The following RIDA variants were observed in gnomAD, a reference collection of about 807,000 sequenced individuals.
RIDA encodes reactive intermediate imine deaminase A.
RIDA carries 17 observed loss-of-function variants against 17.8 expected under a neutral mutation model. That is an observed-to-expected ratio of 0.96 (90% CI 0.65 to 1.43). The LOEUF is 1.43. Among genes scored for constraint, RIDA ranks in the 40% most tolerant of loss-of-function variants. The pLI is 0.00. For missense variants in RIDA, 158 were observed against 161.7 expected (o/e 0.98, Z 0.12); for synonymous variants, 48 against 55.7 (o/e 0.86, Z 0.62).
rs1240121826 is a variant in RIDA, at chr8:98,117,162, T to C, written c.-66A>G. The stretch of plus-strand genomic sequence containing the variant: ...CCCCAGCACCAGCCCTGCTGGCTTC[T>C]TACTGGACTGACCAACCACAGCAGC... On this transcript the variant is annotated 5_prime_UTR_variant, in exon 1 of 6. Coordinates refer to ENST00000254878, the MANE Select transcript of RIDA (RefSeq NM_005836.3). 1 of 1,479,514 alleles carries C rather than the reference T, an allele frequency of 6.8e-7. No homozygotes were observed. Among genetic ancestry groups the C allele is most frequent in the Non-Finnish European group, 9.5e-7 (1 of 1,057,412 alleles). The allele number at this position is 1,479,514 out of a possible 1,614,324, so 91.6% of individuals were successfully genotyped here.
At position 98,106,320 on chromosome 8, in the gene RIDA, T is replaced by C. The variant is rs1815632056; in HGVS notation, c.178A>G (p.Lys60Glu). 1 of 1,613,666 alleles carries C rather than the reference T, an allele frequency of 6.2e-7. No individual in the cohort carries two copies. Among genetic ancestry groups the C allele is most frequent in the African/African-American group, 1.3e-5 (1 of 74,914 alleles). The part of the protein sequence containing the change: ...GVAEEAKQAL[K>E]NMGEILKAAG... ...GCTTTCAGAATTTCACCCATGTTTT[T>C]AAGAGCCTGTGAACCAAGCCAAGAA... Residue 60 changes from lysine to glutamate, a missense_variant, in exon 3 of 6, where the codon AAA (lysine) becomes GAA (glutamate). Physicochemically the swap from Lys to Glu is moderately conservative, Grantham distance 56 (BLOSUM62 1). Transcript: ENST00000254878.
intron 1 of RIDA, among the ~76,000 whole-genome samples, chr8:98,113,166 T>C (rs1815752488): frequency 6.6e-6 from 1 of 152,232 alleles, no homozygotes; most frequent in Admixed American, 6.5e-5. Context: ...GAGGACGGTG[T>C]GCAAAATGCG....
chr8:98,108,567 C>CA, intron 2 of RIDA, 79 bp downstream of exon 2: 1 of 824,768 alleles, frequency 1.2e-6, no homozygotes. Context: ...TAAAACAAAT[C>CA]AGGCAAGTGG....
chr8:98,114,602 G>A (rs899049195), intron 1 of RIDA, among the ~76,000 whole-genome samples: 3 of 151,622 alleles, frequency 2.0e-5, no homozygotes, highest in Admixed American at 2.0e-4. Context: ...CCAAAGTGCT[G>A]GGATTACAGG....
intron 1 of RIDA, among the ~76,000 whole-genome samples, chr8:98,113,425 T>C (rs758052321): frequency 6.6e-6 from 1 of 152,220 alleles, no homozygotes; most frequent in Non-Finnish European, 1.5e-5. Context: ...TTAACATAAG[T>C]AGTTAGTTGC....
At position 98,112,195 on chromosome 8, in the gene RIDA, AAC is replaced by A. The variant is rs56178607; in HGVS notation, c.66-3446_66-3445del. ...TGTTATCATAAATAAAACTATACTA[AAC>A]ACACACACACACACACACACACACA... On this transcript the variant is annotated intron_variant, in intron 1 of 5. Transcript: ENST00000254878. Among the ~76,000 whole-genome samples, 1,083 of 147,994 alleles carry A rather than the reference AAC, an allele frequency of 7.3e-3. 11 individuals are homozygous for A. The highest frequency in any genetic ancestry group is 0.027 in the Middle Eastern group (8 of 294).
chr8:98,104,996 C>CCA (rs1815612710), intron 4 of RIDA, among the ~76,000 whole-genome samples: 1 of 151,972 alleles, frequency 6.6e-6, no homozygotes, highest in African/African-American at 2.4e-5. Flanking sequence ...TAGGTGTGAG[C>CCA]CACTGCTCCT....
chr8:98,108,454 T>A (rs1311981825), intron 2 of RIDA, among the ~76,000 whole-genome samples, 192 bp downstream of exon 2: 1 of 152,078 alleles, frequency 6.6e-6, no homozygotes, highest in Non-Finnish European at 1.5e-5. Flanking sequence ...TCTCTTTTGG[T>A]TGTTAGATGA....
intron 4 of RIDA, among the ~76,000 whole-genome samples, chr8:98,104,960 C>G (rs1411355968): frequency 1.3e-5 from 2 of 152,044 alleles, no homozygotes; most frequent in African/African-American, 2.4e-5. Flanking sequence ...ATCCACCCAC[C>G]TCAGCCTCTC....
intron 1 of RIDA, chr8:98,113,784 C>G (rs548617331): frequency 6.6e-6 from 1 of 152,094 alleles, no homozygotes; most frequent in East Asian, 1.9e-4. Flanking sequence ...TTGGTTGTGT[C>G]CCTCTTGTTT....
chr8:98,109,347 T>C (rs765283224), intron 1 of RIDA, among the ~76,000 whole-genome samples: 10 of 151,916 alleles, frequency 6.6e-5, no homozygotes, highest in African/African-American at 9.7e-5. Flanking sequence ...CAATAAAATA[T>C]GAGCAAATGA....
intron 1 of RIDA, among the ~76,000 whole-genome samples, chr8:98,112,481 C>T (rs1032629701): frequency 6.6e-6 from 1 of 152,180 alleles, no homozygotes; most frequent in Non-Finnish European, 1.5e-5. Flanking sequence ...TGCTCTTTAA[C>T]CACTTAGTAG....
intron 1 of RIDA, among the ~76,000 whole-genome samples, chr8:98,115,430 T>G (rs1815796094): frequency 6.8e-6 from 1 of 146,460 alleles, no homozygotes; most frequent in Non-Finnish European, 1.5e-5. Flanking sequence ...TAGTGCCCAA[T>G]GCTGCTGAGT....
At chr8:98,109,411 A>G (rs986601061) in intron 1 of RIDA, among the ~76,000 whole-genome samples, 15 of 152,234 alleles carry the variant, frequency 9.9e-5, no homozygotes, top group Non-Finnish European at 1.8e-4. Context: ...TTTGCTCAAC[A>G]TTAGTAGTCA....
chr8:98,106,454 G>C, intron 2 of RIDA, 128 bp from the exon 3 acceptor site: 2 of 720,168 alleles, frequency 2.8e-6, no homozygotes, highest in East Asian at 5.1e-5. Context: ...CTCCCTACTC[G>C]CTTACAAGTG....
At chr8:98,116,830 C>T (rs961343746) in intron 1 of RIDA, among the ~76,000 whole-genome samples, 6 of 152,232 alleles carry the variant, frequency 3.9e-5, no homozygotes, top group Non-Finnish European at 7.3e-5. Context: ...GAGGCAGCCC[C>T]AGAACGAGCA....
chr8:98,102,582 A>G lies in RIDA; in HGVS notation c.*260T>C. 1 of 292,432 alleles carries G rather than the reference A, an allele frequency of 3.4e-6. No homozygotes were observed. 18.1% of individuals were successfully genotyped at this position (292,432 alleles called of 1,614,324 possible). Reference sequence around the variant, plus strand: ...CCTGGTATTTCTCTTTTGTTTACTGAGTAACTATGTAATGGGTATCTCTTT... The same window carrying G: ...CCTGGTATTTCTCTTTTGTTTACTGGGTAACTATGTAATGGGTATCTCTTT... On this transcript the variant is annotated 3_prime_UTR_variant, in exon 6 of 6. Transcript: ENST00000254878.
rs72366752 is a variant in RIDA, at chr8:98,115,936, G to GCAAA, written c.65+1092_65+1095dup. 3.9e-5 allele frequency among the ~76,000 whole-genome samples: 6 copies of GCAAA among 151,932 alleles called. No individual in the cohort carries two copies. In the East Asian group the frequency reaches 5.8e-4, roughly 15 times the overall value. ...AAATTATAAGTGATATACAGATTTG[G>GCAAA]CAAACAAACAAACAAAAAAGACAGA... On this transcript the variant is annotated intron_variant, in intron 1 of 5. Transcript: ENST00000254878.
chr8:98,115,838 G>C (rs984018170), intron 1 of RIDA, among the ~76,000 whole-genome samples: 1 of 152,022 alleles, frequency 6.6e-6, no homozygotes, highest in Non-Finnish European at 1.5e-5. Flanking sequence ...TTAGTGTACT[G>C]TTGTAAAGTT....
Sources: gnomAD v4.1 joint callset for allele counts (sites outside exome capture counted in the v4.1 genomes callset) on GRCh38, gnomAD v4.1.1 for gene constraint, MANE v1.5 for transcripts, NCBI Gene and HGNC (gene_info 2026-07-23, HGNC 2026-07-21) for gene names.